The following PIBF1 variants were observed in gnomAD, a reference collection of about 807,000 sequenced individuals.
The protein encoded by PIBF1 is progesterone-induced-blocking factor 1.
PIBF1 carries 90 observed loss-of-function variants against 112.5 expected under a neutral mutation model. The ratio of observed to expected loss-of-function variants is 0.80; its 90% confidence interval spans 0.67 to 0.95. The LOEUF is 0.95. PIBF1 is among the 40% of genes least tolerant of loss of function. The probability of loss-of-function intolerance (pLI) is 0.00; values close to 1 mark genes in which losing one functional copy is unlikely to be tolerated. For missense variants in PIBF1, 915 were observed against 852.3 expected (o/e 1.07, Z -0.92); for synonymous variants, 301 against 288.6 (o/e 1.04, Z -0.44).
intron 14 of PIBF1, among the ~76,000 whole-genome samples, chr13:72,933,460 AAGACC>A (rs1442228183): frequency 1.3e-5 from 2 of 152,134 alleles, no homozygotes; most frequent in Non-Finnish European, 2.9e-5. Flanking sequence ...TCAAGAGTTC[AAGACC>A]AGCCTGGCCA....
intron 9 of PIBF1, among the ~76,000 whole-genome samples, chr13:72,837,401 G>T (rs148237154): frequency 1.2e-4 from 19 of 152,010 alleles, no homozygotes; most frequent in African/African-American, 4.6e-4. Flanking sequence ...AGAAAATTTT[G>T]TTCCAAGTAG....
At chr13:72,785,966 C>T (rs1430968011) in intron 2 of PIBF1, among the ~76,000 whole-genome samples, 2 of 152,070 alleles carry the variant, frequency 1.3e-5, no homozygotes, top group African/African-American at 4.8e-5. Flanking sequence ...GTAACAAATC[C>T]AAATTACAGT....
rs2040149873 is a variant in PIBF1, at chr13:72,893,772, T to A, written c.1323-12T>A. 1 of 1,535,386 alleles carries A rather than the reference T, an allele frequency of 6.5e-7. No homozygotes were observed. Among genetic ancestry groups the A allele is most frequent in the South Asian group, 1.3e-5 (1 of 79,012 alleles). On this transcript the variant is annotated splice_polypyrimidine_tract_variant and intron_variant, in intron 10 of 17. Transcript: ENST00000326291. ...TTTCTTTAGAGTGTCATAACCATTC[T>A]GCTTCTTTCAGGTACAGAGAACTAC...
intron 2 of PIBF1, among the ~76,000 whole-genome samples, chr13:72,784,525 A>T (rs2034486457): frequency 6.6e-6 from 1 of 151,978 alleles, no homozygotes; most frequent in Non-Finnish European, 1.5e-5. Context: ...TTGGATGCTG[A>T]GGCCAGTGGA....
intron 10 of PIBF1, among the ~76,000 whole-genome samples, chr13:72,880,266 C>T (rs1198275849): frequency 3.3e-5 from 5 of 152,064 alleles, no homozygotes; most frequent in Non-Finnish European, 7.4e-5. Context: ...TCTGTGCTTC[C>T]AAAATTCCAA....
At chr13:72,965,246 G>A in intron 14 of PIBF1, 28 bp from the exon 15 acceptor site, 2 of 1,596,254 alleles carry the variant, frequency 1.3e-6, no homozygotes, top group Non-Finnish European at 1.7e-6. Context: ...ACATTTTCTA[G>A]ATTTTAATGA....
At chr13:72,836,219 T>C (rs2037355363) in intron 9 of PIBF1, 1 of 372,314 alleles carries the variant, frequency 2.7e-6, no homozygotes, top group Non-Finnish European at 5.4e-6. Context: ...ACTATTTATT[T>C]CAATGGCAGA....
intron 10 of PIBF1, among the ~76,000 whole-genome samples, chr13:72,867,292 T>G (rs977474075): frequency 2.0e-5 from 3 of 152,220 alleles, no homozygotes; most frequent in Non-Finnish European, 4.4e-5. Flanking sequence ...CAAGGAGGCC[T>G]CCTCAGCCAT....
intron 10 of PIBF1, among the ~76,000 whole-genome samples, chr13:72,891,180 A>C (rs984358489): frequency 6.6e-6 from 1 of 152,178 alleles, no homozygotes; most frequent in Non-Finnish European, 1.5e-5. Flanking sequence ...GAATAAAAAC[A>C]GGTGATGCTA....
At chr13:73,012,615 C>T (rs1484001369) in intron 17 of PIBF1, among the ~76,000 whole-genome samples, 1 of 151,602 alleles carries the variant, frequency 6.6e-6, no homozygotes, top group Non-Finnish European at 1.5e-5. Flanking sequence ...CTTAGCCAGG[C>T]ACTGTGGTGC....
intron 13 of PIBF1, among the ~76,000 whole-genome samples, chr13:72,921,188 T>C (rs111440455): frequency 0.14 from 21,467 of 152,048 alleles, 1,677 homozygotes; most frequent in Non-Finnish European, 0.17. Flanking sequence ...CTATAACCTC[T>C]GCCTCTCAGG....
chr13:72,945,490 C>G (rs9573069), intron 14 of PIBF1, among the ~76,000 whole-genome samples: 43,640 of 152,156 alleles, frequency 0.29, 7,153 homozygotes, highest in East Asian at 0.47. Flanking sequence ...GCTGAACTGA[C>G]TTACATTCCT....
intron 5 of PIBF1, among the ~76,000 whole-genome samples, chr13:72,815,431 G>A (rs1047312594): frequency 1.4e-4 from 22 of 152,118 alleles, no homozygotes; most frequent in Non-Finnish European, 2.9e-4. Flanking sequence ...TTCATCTCTA[G>A]CAAGAAAAGA....
chr13:72,962,492 A>C (rs539156332), intron 14 of PIBF1, among the ~76,000 whole-genome samples: 99 of 151,818 alleles, frequency 6.5e-4, no homozygotes, highest in Non-Finnish European at 1.3e-3. Context: ...CCAGCTACTC[A>C]GGAGGCTGAG....
At position 72,969,078 on chromosome 13, in the gene PIBF1, G is replaced by A. The variant is rs145804518; in HGVS notation, c.1964+3674G>A. Among the ~76,000 whole-genome samples the A allele has an allele frequency of 1.1e-3, 163 of 152,036 alleles. 2 individuals are homozygous for A. In the East Asian group the frequency reaches 0.015, roughly 14 times the overall value. On this transcript the variant is annotated intron_variant, in intron 15 of 17. Transcript: ENST00000326291. ...AATGAGAGTGGTCCTAACAGCACCC[G>A]ATTGATAGGGTTGTTCTGAGGAATA...
chr13:72,964,262 T>A (rs1185215073), intron 14 of PIBF1, among the ~76,000 whole-genome samples: 1 of 152,148 alleles, frequency 6.6e-6, no homozygotes, highest in Admixed American at 6.5e-5. Context: ...ATTCCACTTA[T>A]GTGAGGTATC....
intron 14 of PIBF1, among the ~76,000 whole-genome samples, chr13:72,949,953 T>C (rs1379371654): frequency 6.6e-6 from 1 of 152,204 alleles, no homozygotes; most frequent in African/African-American, 2.4e-5. Flanking sequence ...TAGAGAAATA[T>C]GGAGTCATCG....
chr13:72,891,610 G>A, intron 10 of PIBF1, among the ~76,000 whole-genome samples: 1 of 152,042 alleles, frequency 6.6e-6, no homozygotes, highest in East Asian at 1.9e-4. Flanking sequence ...CTGCTGATGG[G>A]AATGTAAAAT....
At chr13:72,931,032 ACT>A in intron 13 of PIBF1, 131 bp from the exon 14 acceptor site, 1 of 620,410 alleles carries the variant, frequency 1.6e-6, no homozygotes, top group South Asian at 2.1e-5. Context: ...ATATTATTTG[ACT>A]CTATATTTTT....
Sources: gnomAD v4.1 joint callset for allele counts (sites outside exome capture counted in the v4.1 genomes callset) on GRCh38, gnomAD v4.1.1 for gene constraint, MANE v1.5 for transcripts, NCBI Gene and HGNC (gene_info 2026-07-23, HGNC 2026-07-21) for gene names.